The following MTNR1B variants were observed in gnomAD, a reference collection of about 807,000 sequenced individuals.
The protein encoded by MTNR1B is melatonin receptor type 1B.
A neutral mutation model predicts 7.0 loss-of-function variants in MTNR1B; 7 were observed. The observed-to-expected ratio is 1.00, with a 90% confidence interval of 0.57 to 1.88. MTNR1B has a LOEUF of 1.88. Ranked by LOEUF, MTNR1B falls within the 40% of genes most tolerant of loss-of-function variation. The probability of loss-of-function intolerance (pLI) is 0.00; values close to 1 mark genes in which losing one functional copy is unlikely to be tolerated. For synonymous variants in MTNR1B, 226 were observed against 208.2 expected, an observed-to-expected ratio of 1.09 and a Z score of -0.74; for missense variants, 478 against 486.5, an observed-to-expected ratio of 0.98 and a Z score of 0.16.
intron 1 of MTNR1B, among the ~76,000 whole-genome samples, 181 bp downstream of exon 1, chr11:92,970,129 T>A (rs1207053962): frequency 6.6e-6 from 1 of 152,138 alleles, no homozygotes; most frequent in Non-Finnish European, 1.5e-5. Context: ...GTTTTGCCCC[T>A]CCGAAGTGCG....
At chr11:92,972,765 C>T (rs1857952523) in intron 1 of MTNR1B, among the ~76,000 whole-genome samples, 1 of 152,126 alleles carries the variant, frequency 6.6e-6, no homozygotes, top group Non-Finnish European at 1.5e-5. Flanking sequence ...GCTGCCCTGA[C>T]CCTTGAGCTA....
intron 1 of MTNR1B, among the ~76,000 whole-genome samples, chr11:92,977,949 C>G (rs1262409253): frequency 6.6e-6 from 1 of 152,172 alleles, no homozygotes; most frequent in African/African-American, 2.4e-5. Flanking sequence ...ATGGTCTTCC[C>G]TAAGAGACCA....
chr11:92,983,466 T>C (rs369753311), downstream of MTNR1B, among the ~76,000 whole-genome samples: 28 of 150,596 alleles, frequency 1.9e-4, no homozygotes, highest in African/African-American at 6.9e-4. Flanking sequence ...TGAGCTGAGA[T>C]TGTGCCACTG....
intron 1 of MTNR1B, chr11:92,972,386 G>C (rs1401531910): frequency 2.2e-6 from 1 of 456,076 alleles, no homozygotes; most frequent in Non-Finnish European, 4.4e-6. Flanking sequence ...CTATGGAGCA[G>C]ATCTGTATCA....
At chr11:92,983,915 A>G (rs1470109413), downstream of MTNR1B, among the ~76,000 whole-genome samples, 2 of 152,226 alleles carry the variant, frequency 1.3e-5, no homozygotes, top group African/African-American at 4.8e-5. Context: ...CAATTTTCAT[A>G]GTAAGAAACT....
chr11:92,981,505 C>G lies in MTNR1B; in HGVS notation c.282C>G (p.Tyr94Ter). The change falls in exon 2 of 2, where the codon TAC becomes TAG. Residue 94 changes from tyrosine to a stop codon, truncating the protein, a stop_gained. Transcript: ENST00000257068. LOFTEE classifies it low-confidence loss of function (END_TRUNC). ...ACCTGGTGGTGGCCTTCTACCCCTA[C>G]CCGCTAATCCTCGTGGCCATCTTCT... ...LADLVVAFYP[Y>*]PLILVAIFYD... 6.2e-7 allele frequency: 1 copy of G among 1,614,166 alleles called. No individual in the cohort carries two copies. The highest frequency in any genetic ancestry group is 1.3e-5 in the African/African-American group (1 of 75,040).
intron 1 of MTNR1B, 150 bp from the exon 2 acceptor site, chr11:92,981,297 G>A: frequency 8.7e-7 from 1 of 1,151,972 alleles, no homozygotes; most frequent in Non-Finnish European, 1.2e-6. Flanking sequence ...GTGAGTGGCA[G>A]AAATGCAATC....
At chr11:92,976,735 T>C (rs180688385) in intron 1 of MTNR1B, among the ~76,000 whole-genome samples, 1 of 152,330 alleles carries the variant, frequency 6.6e-6, no homozygotes, top group East Asian at 1.9e-4. Context: ...CTCACTTTTG[T>C]AGATGACCAA....
intron 1 of MTNR1B, among the ~76,000 whole-genome samples, chr11:92,972,174 G>A (rs907796874): frequency 1.3e-5 from 2 of 152,196 alleles, no homozygotes; most frequent in African/African-American, 4.8e-5. Flanking sequence ...TGAAGAGTTT[G>A]GATTTAATTT....
Position 92,979,071 on chromosome 11 carries a change from A to G in MTNR1B, c.224-2376A>G, listed in dbSNP as rs1472967530. On this transcript the variant is annotated intron_variant, in intron 1 of 1. Coordinates refer to ENST00000257068, the MANE Select transcript of MTNR1B (RefSeq NM_005959.5). ...TGAGTGTGCAGGGGGAAGTGATGGC[A>G]GAGCTCTGAAAGAAAAGAAAGGAGC... Among the ~76,000 whole-genome samples, 6 of 152,230 alleles carry G rather than the reference A, an allele frequency of 3.9e-5. No homozygotes were observed. The East Asian group carries it at 1.2e-3, about 29-fold the overall frequency.
Position 92,981,843 on chromosome 11 carries a change from TC to T in MTNR1B, c.622del (p.His208ThrfsTer35), listed in dbSNP as rs1291438510. ...CAGTACACGGCGGCAGTGGTGGTCA[TC>T]CACTTCCTCCTCCCTATCGCTGTCG... ...STQYTAAVVV[I>X]HFLLPIAVVS... is the part of the protein sequence containing the mutation. On this transcript the variant is annotated frameshift_variant, in exon 2 of 2. Coordinates refer to ENST00000257068, the MANE Select transcript of MTNR1B (RefSeq NM_005959.5). LOFTEE classifies it low-confidence loss of function (END_TRUNC). The T allele has an allele frequency of 1.9e-6, 3 of 1,614,218 alleles. No individual in the cohort carries two copies. Among genetic ancestry groups the T allele is most frequent in the African/African-American group, 2.7e-5 (2 of 75,056 alleles).
intron 1 of MTNR1B, among the ~76,000 whole-genome samples, chr11:92,980,093 C>T (rs963957564): frequency 1.3e-5 from 2 of 152,182 alleles, no homozygotes; most frequent in Non-Finnish European, 2.9e-5. Flanking sequence ...CCCCCAAAGC[C>T]ACCACAGCCT....
chr11:92,976,400 CCT>C (rs1168916177), intron 1 of MTNR1B, among the ~76,000 whole-genome samples: 1 of 152,120 alleles, frequency 6.6e-6, no homozygotes, highest in African/African-American at 2.4e-5. Context: ...ACCTTATGAG[CCT>C]CTTTCTTGAT....
intron 1 of MTNR1B, among the ~76,000 whole-genome samples, chr11:92,980,827 G>T (rs1858091774): frequency 6.6e-6 from 1 of 152,152 alleles, no homozygotes; most frequent in South Asian, 2.1e-4. Context: ...ACCCAGACAG[G>T]GCACAAATGG....
At chr11:92,977,485 C>A (rs1858028094) in intron 1 of MTNR1B, among the ~76,000 whole-genome samples, 1 of 152,216 alleles carries the variant, frequency 6.6e-6, no homozygotes, top group South Asian at 2.1e-4. Context: ...CTTTCCCATA[C>A]AACATCTTAT....
intron 1 of MTNR1B, among the ~76,000 whole-genome samples, chr11:92,970,938 T>C (rs1406626188): frequency 1.3e-5 from 2 of 152,106 alleles, no homozygotes; most frequent in Non-Finnish European, 2.9e-5. Flanking sequence ...GTAATATGTA[T>C]TTGGTGTGGC....
chr11:92,978,407 C>A (rs1449103491), intron 1 of MTNR1B, among the ~76,000 whole-genome samples: 1 of 152,150 alleles, frequency 6.6e-6, no homozygotes, highest in Non-Finnish European at 1.5e-5. Context: ...AGCCTCTCTC[C>A]ACTAATACAC....
chr11:92,981,525 T>A lies in MTNR1B; in HGVS notation c.302T>A (p.Ile101Asn). Residue 101 changes from isoleucine to asparagine, a missense_variant, in exon 2 of 2, where the codon ATC becomes AAC. By Grantham distance (149) the Ile-to-Asn change is moderately radical. Transcript: ENST00000257068. ...CCCTACCCGCTAATCCTCGTGGCCA[T>A]CTTCTATGACGGCTGGGCCCTGGGG... The part of the protein sequence containing the change: ...FYPYPLILVA[I>N]FYDGWALGEE... 6.2e-7 allele frequency: 1 copy of A among 1,614,148 alleles called. No homozygotes were observed. Among genetic ancestry groups the A allele is most frequent in the Non-Finnish European group, 8.5e-7 (1 of 1,180,028 alleles).
chr11:92,977,081 G>A (rs983868487), intron 1 of MTNR1B, among the ~76,000 whole-genome samples: 1 of 152,110 alleles, frequency 6.6e-6, no homozygotes, highest in Admixed American at 6.5e-5. Context: ...ATTTTGTAAA[G>A]CATCTTAGTT....
Sources: allele counts gnomAD v4.1 joint callset (sites outside exome capture counted in the v4.1 genomes callset), GRCh38; gene constraint gnomAD v4.1.1; transcripts MANE v1.5; gene names NCBI Gene and HGNC (gene_info 2026-07-23, HGNC 2026-07-21).